ADAMTS17: variants seen among roughly 807,000 people sequenced by gnomAD.
The protein encoded by ADAMTS17 is ADAM metallopeptidase with thrombospondin type 1 motif 17, also known as A disintegrin and metalloproteinase with thrombospondin motifs 17.
Under a neutral mutation model 141.5 loss-of-function variants are expected in ADAMTS17, and 113 were observed. The ratio of observed to expected loss-of-function variants is 0.80; its 90% CI spans 0.69 to 0.93. ADAMTS17 has a LOEUF of 0.93. Among genes scored for constraint, ADAMTS17 ranks in the 40% least tolerant of loss-of-function variants. The pLI is 0.00. For missense variants in ADAMTS17, 1,659 were observed against 1,517.9 expected (o/e 1.09, Z -1.54); for synonymous variants, 768 against 630.6 (o/e 1.22, Z -3.27).
At chr15:100,068,639 C>A (rs1268305560) in intron 15 of ADAMTS17, among the ~76,000 whole-genome samples, 3 of 152,250 alleles carry the variant, frequency 2.0e-5, no homozygotes, top group South Asian at 4.1e-4. Context: ...CCCAGGCCAA[C>A]AGGGTCTGGA....
At chr15:100,334,896 G>A (rs1304870669) in intron 2 of ADAMTS17, among the ~76,000 whole-genome samples, 2 of 152,116 alleles carry the variant, frequency 1.3e-5, no homozygotes, top group Non-Finnish European at 2.9e-5. Context: ...CTCTCGTGTG[G>A]TCTTCCTTCC....
At chr15:100,328,233 C>G (rs1219348061) in intron 3 of ADAMTS17, among the ~76,000 whole-genome samples, 1 of 152,108 alleles carries the variant, frequency 6.6e-6, no homozygotes, top group Non-Finnish European at 1.5e-5. Flanking sequence ...TTGCAGATGT[C>G]CCAGTAAATT....
chr15:100,174,526 AG>A (rs1282048766), intron 8 of ADAMTS17, among the ~76,000 whole-genome samples: 1 of 152,190 alleles, frequency 6.6e-6, no homozygotes, highest in African/African-American at 2.4e-5. Context: ...TATTGTTACT[AG>A]TATTTCGTTT....
chr15:100,270,589 T>C (rs2043871730), intron 4 of ADAMTS17, among the ~76,000 whole-genome samples: 1 of 151,724 alleles, frequency 6.6e-6, no homozygotes, highest in Non-Finnish European at 1.5e-5. Flanking sequence ...CAGTCATTCA[T>C]TTATGCATTC....
chr15:100,295,379 G>A (rs1386659429), intron 3 of ADAMTS17, among the ~76,000 whole-genome samples: 1 of 152,172 alleles, frequency 6.6e-6, no homozygotes, highest in African/African-American at 2.4e-5. Flanking sequence ...GGGCACTAGA[G>A]GGAGAATGAA....
At chr15:100,050,679 G>A (rs1363976627) in intron 17 of ADAMTS17, among the ~76,000 whole-genome samples, 3 of 152,220 alleles carry the variant, frequency 2.0e-5, no homozygotes, top group Admixed American at 6.5e-5. Context: ...GTCAATAGGT[G>A]CTCAGGACTA....
chr15:100,085,427 T>A lies in ADAMTS17; in HGVS notation c.2137+10929A>T, dbSNP rs186829787. Among the ~76,000 whole-genome samples the A allele has an allele frequency of 1.5e-3, 212 of 144,276 alleles. 2 individuals carry two copies. The Middle Eastern group carries it at 0.024, about 16-fold the overall frequency. The allele number at this position is 144,276 out of a possible 152,430, so 94.7% of individuals were successfully genotyped here. ...AAGTTGGAAAACACTCTGCAGGATA[T>A]TATCCAGGAGAACTTCCCCAATCTA... On this transcript the variant is annotated intron_variant, in intron 15 of 21. Transcript: ENST00000268070.
At chr15:100,036,976 T>A in intron 18 of ADAMTS17, among the ~76,000 whole-genome samples, 1 of 152,242 alleles carries the variant, frequency 6.6e-6, no homozygotes, top group South Asian at 2.1e-4. Flanking sequence ...TGAATGAACA[T>A]GTGCCATGTT....
intron 15 of ADAMTS17, among the ~76,000 whole-genome samples, chr15:100,079,082 A>C (rs1198914309): frequency 1.3e-5 from 2 of 152,238 alleles, no homozygotes; most frequent in African/African-American, 2.4e-5. Context: ...ATGGAGAAAC[A>C]GTAGCCTTCA....
chr15:100,038,682 C>T (rs921088769), intron 18 of ADAMTS17, among the ~76,000 whole-genome samples: 7 of 152,224 alleles, frequency 4.6e-5, no homozygotes, highest in Admixed American at 1.3e-4. Flanking sequence ...CTGTAAACAT[C>T]CAGACCTTGT....
intron 8 of ADAMTS17, among the ~76,000 whole-genome samples, chr15:100,187,042 T>C (rs1349646997): frequency 6.6e-6 from 1 of 152,208 alleles, no homozygotes; most frequent in Non-Finnish European, 1.5e-5. Context: ...TCTTTTCATC[T>C]GGACCGAGAG....
chr15:99,985,537 G>A (rs74036651), intron 20 of ADAMTS17, among the ~76,000 whole-genome samples: 1,885 of 152,280 alleles, frequency 0.012, 47 homozygotes, highest in African/African-American at 0.043. Flanking sequence ...GATTGTGATG[G>A]ACGTCATGGG....
chr15:100,240,953 G>A (rs1405638312), intron 7 of ADAMTS17, among the ~76,000 whole-genome samples: 3 of 152,134 alleles, frequency 2.0e-5, no homozygotes, highest in Non-Finnish European at 1.5e-5. Flanking sequence ...AACCTCCTGA[G>A]TAGCTGGGAT....
In ADAMTS17 at chr15:100,022,950, A is replaced by G. The variant is rs142630828; in HGVS notation, c.2592-25361T>C. 1.1e-3 allele frequency among the ~76,000 whole-genome samples: 160 copies of G among 151,780 alleles called. 2 individuals carry two copies. In the East Asian group the frequency reaches 0.027, roughly 25 times the overall value. On this transcript the variant is annotated intron_variant, in intron 18 of 21. Transcript: ENST00000268070. ...TTTTGCTCAGCAAGTATCTTGTCAC[A>G]TGATCTGTTTTCACCGGAGCACTGC...
chr15:100,144,712 T>A (rs4246301), intron 10 of ADAMTS17, among the ~76,000 whole-genome samples: 18 of 151,570 alleles, frequency 1.2e-4, no homozygotes, highest in Admixed American at 9.2e-4. Context: ...GGTTCACCAA[T>A]TCTTTGAAAT....
intron 7 of ADAMTS17, among the ~76,000 whole-genome samples, chr15:100,218,956 C>T (rs919958618): frequency 1.3e-5 from 2 of 152,172 alleles, no homozygotes; most frequent in Non-Finnish European, 2.9e-5. Flanking sequence ...TACCTCTAAA[C>T]ATGTATATGC....
At chr15:100,141,838 A>G (rs191848747) in intron 10 of ADAMTS17, among the ~76,000 whole-genome samples, 1 of 152,362 alleles carries the variant, frequency 6.6e-6, no homozygotes. Flanking sequence ...CGGCTCTGAG[A>G]GGCTGCAGAT....
intron 7 of ADAMTS17, among the ~76,000 whole-genome samples, chr15:100,241,922 G>A (rs113370295): frequency 0.016 from 2,364 of 152,264 alleles, 26 homozygotes; most frequent in Non-Finnish European, 0.024. Context: ...CCCAGATTCG[G>A]TCTCTGGTAG....
chr15:100,033,289 C>T (rs192888756), intron 18 of ADAMTS17, among the ~76,000 whole-genome samples: 1 of 152,302 alleles, frequency 6.6e-6, no homozygotes, highest in Non-Finnish European at 1.5e-5. Flanking sequence ...TTGTACCACA[C>T]CCAGTCATGA....
Sources: gnomAD v4.1 joint callset for allele counts (sites outside exome capture counted in the v4.1 genomes callset) on GRCh38, gnomAD v4.1.1 for gene constraint, MANE v1.5 for transcripts, NCBI Gene and HGNC (gene_info 2026-07-23, HGNC 2026-07-21) for gene names.